Variants in SLIT2 observed in about 807,000 individuals in gnomAD.
SLIT2 encodes the protein slit guidance ligand 2, also known as slit homolog 2 protein.
In SLIT2, 41 loss-of-function variants were observed where a neutral mutation model predicts 185.7. The ratio of observed to expected loss-of-function variants is 0.22; its 90% CI spans 0.17 to 0.29. SLIT2 has a LOEUF of 0.29. Ranked by LOEUF, SLIT2 falls within the 10% of genes least tolerant of loss-of-function variation. SLIT2 has a pLI of 1.00. For synonymous variants in SLIT2, 693 were observed against 680.2 expected, an observed-to-expected ratio of 1.02 and a Z score of -0.29; for missense variants, 1,571 against 1,909.0, an observed-to-expected ratio of 0.82 and a Z score of 3.30.
At chr4:20,284,445 G>A (rs1715078169) in intron 4 of SLIT2, among the ~76,000 whole-genome samples, 1 of 152,194 alleles carries the variant, frequency 6.6e-6, no homozygotes, top group African/African-American at 2.4e-5. Context: ...GTATTCACAT[G>A]CACTGAGTGC....
At chr4:20,432,522 CTTTT>C (rs59431145) in intron 4 of SLIT2, among the ~76,000 whole-genome samples, 67 of 141,930 alleles carry the variant, frequency 4.7e-4, no homozygotes, top group Non-Finnish European at 5.2e-4. Context: ...GACTGTCTGC[CTTTT>C]TTTTTTTTTT....
At chr4:20,530,687 T>G (rs770273725) in intron 16 of SLIT2, among the ~76,000 whole-genome samples, 1 of 152,162 alleles carries the variant, frequency 6.6e-6, no homozygotes, top group Non-Finnish European at 1.5e-5. Flanking sequence ...TATAATTTTT[T>G]TAATTATATA....
At chr4:20,604,555 G>T (rs951050971) in intron 33 of SLIT2, among the ~76,000 whole-genome samples, 1 of 152,026 alleles carries the variant, frequency 6.6e-6, no homozygotes, top group Non-Finnish European at 1.5e-5. Context: ...CACCATGTTA[G>T]CCAGGATGGT....
intron 4 of SLIT2, among the ~76,000 whole-genome samples, chr4:20,365,544 C>T (rs576724719): frequency 6.6e-5 from 10 of 152,218 alleles, no homozygotes; most frequent in African/African-American, 1.9e-4. Flanking sequence ...CCCACCCTCC[C>T]GTCACTTCTT....
intron 33 of SLIT2, among the ~76,000 whole-genome samples, chr4:20,608,644 G>A (rs569296378): frequency 6.6e-6 from 1 of 152,192 alleles, no homozygotes; most frequent in African/African-American, 2.4e-5. Context: ...TCACAATTCT[G>A]CAGAGTGATT....
chr4:20,614,692 G>T (rs754809038), intron 34 of SLIT2, among the ~76,000 whole-genome samples: 1 of 151,426 alleles, frequency 6.6e-6, no homozygotes, highest in Non-Finnish European at 1.5e-5. Flanking sequence ...CAGGAGAATC[G>T]CTTGAACCCA....
At chr4:20,256,584 C>T (rs1560258976) in intron 1 of SLIT2, 88 bp from the exon 2 acceptor site, 1 of 682,586 alleles carries the variant, frequency 1.5e-6, no homozygotes, top group Non-Finnish European at 2.6e-6. Context: ...ATTGAATTAA[C>T]TTTTAGTTCT....
At chr4:20,369,824 A>G (rs1319109777) in intron 4 of SLIT2, among the ~76,000 whole-genome samples, 1 of 152,046 alleles carries the variant, frequency 6.6e-6, no homozygotes, top group Admixed American at 6.6e-5. Flanking sequence ...TCTGTGTTTT[A>G]GGTTTCCACC....
At chr4:20,599,519 A>G (rs1728248619) in intron 33 of SLIT2, among the ~76,000 whole-genome samples, 1 of 152,240 alleles carries the variant, frequency 6.6e-6, no homozygotes, top group Non-Finnish European at 1.5e-5. Flanking sequence ...TTATTTTATT[A>G]TAAATAGCCT....
Position 20,262,869 on chromosome 4 carries a change from G to C in SLIT2, c.323+4930G>C, listed in dbSNP as rs146722511. 1.8e-3 allele frequency among the ~76,000 whole-genome samples: 269 copies of C among 151,986 alleles called. 1 individual carries two copies. The South Asian group carries it at 0.027, about 15-fold the overall frequency. On this transcript the variant is annotated intron_variant, in intron 3 of 36. Transcript: ENST00000504154. ...ATCTGAGAGAATTTCTCATGCAACAGTTTTTATGGGCCTTGAAGTTTAATG... is the reference window on the plus strand; with the variant it reads ...ATCTGAGAGAATTTCTCATGCAACACTTTTTATGGGCCTTGAAGTTTAATG...
chr4:20,537,077 G>T (rs987609672), intron 18 of SLIT2, among the ~76,000 whole-genome samples: 2 of 152,128 alleles, frequency 1.3e-5, no homozygotes, highest in African/African-American at 4.8e-5. Flanking sequence ...CCTGCCTGAG[G>T]CTGTTTTATA....
intron 4 of SLIT2, among the ~76,000 whole-genome samples, chr4:20,323,361 G>A (rs554105325): frequency 1.8e-4 from 27 of 152,108 alleles, no homozygotes; most frequent in South Asian, 6.2e-4. Context: ...TTAAAGGATT[G>A]GAAACAATGA....
At chr4:20,509,498 A>C (rs1156349724) in intron 9 of SLIT2, among the ~76,000 whole-genome samples, 1 of 152,086 alleles carries the variant, frequency 6.6e-6, no homozygotes, top group East Asian at 1.9e-4. Flanking sequence ...TCTCCCCGCC[A>C]ACCTTTCACC....
intron 4 of SLIT2, among the ~76,000 whole-genome samples, chr4:20,446,514 C>A (rs975536140): frequency 6.6e-6 from 1 of 152,078 alleles, no homozygotes; most frequent in Non-Finnish European, 1.5e-5. Context: ...CAAGAAAAGC[C>A]AAAAATCAGT....
chr4:20,270,364 A>G (rs1381540575), intron 4 of SLIT2, among the ~76,000 whole-genome samples: 2 of 151,972 alleles, frequency 1.3e-5, no homozygotes, highest in African/African-American at 4.8e-5. Context: ...CTCATCAGCA[A>G]ATTATATTCT....
chr4:20,420,404 A>T (rs2109461390), intron 4 of SLIT2, among the ~76,000 whole-genome samples: 1 of 152,322 alleles, frequency 6.6e-6, no homozygotes, highest in Admixed American at 6.5e-5. Context: ...ACAAATATTG[A>T]TGCAACACTT....
At chr4:20,588,078 A>G (rs1443441258) in intron 29 of SLIT2, among the ~76,000 whole-genome samples, 1 of 152,218 alleles carries the variant, frequency 6.6e-6, no homozygotes, top group Admixed American at 6.5e-5. Context: ...AATGCATTTC[A>G]TCAAGGTATC....
intron 33 of SLIT2, among the ~76,000 whole-genome samples, chr4:20,598,626 T>C (rs1455732200): frequency 6.6e-6 from 1 of 152,058 alleles, no homozygotes; most frequent in African/African-American, 2.4e-5. Context: ...TGGGATAGTA[T>C]AGTAACCTGG....
intron 29 of SLIT2, among the ~76,000 whole-genome samples, chr4:20,579,061 C>T (rs1424146924): frequency 3.3e-5 from 5 of 151,720 alleles, no homozygotes; most frequent in African/African-American, 9.7e-5. Flanking sequence ...TTTGGGAGGC[C>T]GAGGCAGGTG....
Sources: allele counts gnomAD v4.1 joint callset (sites outside exome capture counted in the v4.1 genomes callset), GRCh38; gene constraint gnomAD v4.1.1; transcripts MANE v1.5; gene names NCBI Gene and HGNC (gene_info 2026-07-23, HGNC 2026-07-21).